KDM4C: variants seen among roughly 807,000 people sequenced by gnomAD.
The protein encoded by KDM4C is lysine-specific demethylase 4C.
Under a neutral mutation model 129.3 loss-of-function variants are expected in KDM4C, and 81 were observed. The observed-to-expected ratio is 0.63, with a 90% CI of 0.52 to 0.75. The LOEUF is 0.75. Among genes scored for constraint, KDM4C ranks in the 30% least tolerant of loss-of-function variants. KDM4C has a pLI of 0.00. For missense variants in KDM4C, 1,457 were observed against 1,304.0 expected (o/e 1.12, Z -1.81); for synonymous variants, 573 against 456.1 (o/e 1.26, Z -3.26).
chr9:6,845,389 AT>A (rs1322755584), intron 4 of KDM4C, among the ~76,000 whole-genome samples: 1 of 151,968 alleles, frequency 6.6e-6, no homozygotes, highest in Non-Finnish European at 1.5e-5. Flanking sequence ...TAATTTTAAA[AT>A]TTTTTGTAGA....
intron 5 of KDM4C, among the ~76,000 whole-genome samples, chr9:6,874,777 G>A (rs1843308380): frequency 6.6e-6 from 1 of 152,058 alleles, no homozygotes; most frequent in South Asian, 2.1e-4. Flanking sequence ...GATGAAGCAT[G>A]GGGAGACCAT....
chr9:7,074,323 A>G (rs1297911129), intron 17 of KDM4C, among the ~76,000 whole-genome samples: 2 of 152,032 alleles, frequency 1.3e-5, no homozygotes, highest in African/African-American at 2.4e-5. Flanking sequence ...GCCAACTTGC[A>G]TGGCTAATTT....
At chr9:7,026,380 T>C (rs1048303965) in intron 15 of KDM4C, among the ~76,000 whole-genome samples, 2 of 152,138 alleles carry the variant, frequency 1.3e-5, no homozygotes, top group African/African-American at 4.8e-5. Flanking sequence ...TTTTTTTCTT[T>C]CAGCACTTTA....
At chr9:6,976,166 A>G (rs1364882725) in intron 8 of KDM4C, among the ~76,000 whole-genome samples, 1 of 152,192 alleles carries the variant, frequency 6.6e-6, no homozygotes, top group East Asian at 1.9e-4. Context: ...GAATAAAATT[A>G]TGTGTCAGGC....
intron 19 of KDM4C, among the ~76,000 whole-genome samples, chr9:7,129,471 CA>C (rs1441516504): frequency 6.6e-6 from 1 of 152,164 alleles, no homozygotes; most frequent in Non-Finnish European, 1.5e-5. Context: ...ACTGCATTGC[CA>C]CTGTTATTCA....
At chr9:6,763,484 C>T (rs191191024) in intron 1 of KDM4C, among the ~76,000 whole-genome samples, 55 of 152,286 alleles carry the variant, frequency 3.6e-4, no homozygotes, top group Non-Finnish European at 6.5e-4. Flanking sequence ...ACTTGTGTAT[C>T]TCTCTTCCCT....
At chr9:7,101,717 G>A (rs534368537) in intron 17 of KDM4C, among the ~76,000 whole-genome samples, 4 of 152,286 alleles carry the variant, frequency 2.6e-5, no homozygotes, top group African/African-American at 9.6e-5. Context: ...TAATGGTGAT[G>A]GAGGTTGGGA....
chr9:7,082,548 G>A (rs1028747028), intron 17 of KDM4C, among the ~76,000 whole-genome samples: 1 of 152,166 alleles, frequency 6.6e-6, no homozygotes, highest in African/African-American at 2.4e-5. Flanking sequence ...AGCTCTGATT[G>A]CTTCCCATCC....
Position 6,758,018 on chromosome 9 carries a change from C to T in KDM4C, c.-203C>T, listed in dbSNP as rs563566244. The T allele has an allele frequency of 4.1e-6, 4 of 985,352 alleles. No homozygotes were observed. The highest frequency in any genetic ancestry group is 6.1e-5 in the Admixed American group (1 of 16,276). The allele number at this position is 985,352 out of a possible 1,614,324, so 61.0% of individuals were successfully genotyped here. On this transcript the variant is annotated 5_prime_UTR_variant, in exon 1 of 22. Coordinates refer to ENST00000381309, the MANE Select transcript of KDM4C (RefSeq NM_015061.6). This position sits in a 1 kb window ranked among gnomAD's most constrained non-coding sequence, Gnocchi z 4.6. ...CTTCGCCGCTGCCTCCCACCCACCC[C>T]CTCGACGGGAGGGTGAGGCGCGGCG... is the stretch of plus-strand genomic sequence containing the variant.
At chr9:6,917,710 G>A (rs1016630787) in intron 8 of KDM4C, among the ~76,000 whole-genome samples, 4 of 152,098 alleles carry the variant, frequency 2.6e-5, no homozygotes, top group Non-Finnish European at 4.4e-5. Flanking sequence ...TTTGCTGATT[G>A]TCTTGCTTCT....
chr9:7,037,653 G>T (rs1193343209), intron 15 of KDM4C, among the ~76,000 whole-genome samples: 1 of 152,032 alleles, frequency 6.6e-6, no homozygotes, highest in Non-Finnish European at 1.5e-5. Context: ...GTGAGCGAAA[G>T]GGACCTCATC....
chr9:7,089,765 T>C (rs1241354796), intron 17 of KDM4C, among the ~76,000 whole-genome samples: 3 of 152,198 alleles, frequency 2.0e-5, no homozygotes, highest in Non-Finnish European at 4.4e-5. Flanking sequence ...TGGAAGCACT[T>C]TAAATTAGAC....
chr9:6,740,032 GGCGC>G (rs1175641882), intron 1 of KDM4C, among the ~76,000 whole-genome samples: 1 of 151,952 alleles, frequency 6.6e-6, no homozygotes, highest in Non-Finnish European at 1.5e-5. Context: ...TGGGACTACA[GGCGC>G]GCGCCACCAC....
rs531632431 is a variant in KDM4C at position 7,095,634 on chromosome 9, T to G, written c.2425-8051T>G. On this transcript the variant is annotated intron_variant, in intron 17 of 21. Coordinates refer to ENST00000381309, the MANE Select transcript of KDM4C (RefSeq NM_015061.6). ...ATTTAACTAATGTGAATTCAATCATTAAAATATTATAGTTTCCAACATTAA... is the reference window on the plus strand; with the variant it reads ...ATTTAACTAATGTGAATTCAATCATGAAAATATTATAGTTTCCAACATTAA... Among the ~76,000 whole-genome samples, 60 of 152,296 alleles carry G rather than the reference T, an allele frequency of 3.9e-4. 1 individual carries two copies. In the South Asian group the frequency reaches 0.011, roughly 28 times the overall value.
intron 9 of KDM4C, chr9:6,982,653 G>T: frequency 6.6e-6 from 1 of 152,200 alleles, no homozygotes; most frequent in Non-Finnish European, 1.5e-5. Flanking sequence ...GCGCTGGAAG[G>T]AGGCAGTATC....
chr9:6,984,225 C>T lies in KDM4C; in HGVS notation c.1175C>T (p.Ser392Leu). The change falls in exon 10 of 22, where the codon TCA becomes TTA. Residue 392 changes from serine to leucine, a missense_variant. Coordinates refer to ENST00000381309, the MANE Select transcript of KDM4C (RefSeq NM_015061.6). ...AAGGCTGATGAGGAAGAGGAAGTGT[C>T]AGATGAAGTCGATGGGGCAGAGGTC... Reference protein sequence around the residue: ...RPKADEEEEVSDEVDGAEVPN... With the variant: ...RPKADEEEEVLDEVDGAEVPN... 1 of 1,613,862 alleles carries T rather than the reference C, an allele frequency of 6.2e-7. No homozygotes were observed. The highest frequency in any genetic ancestry group is 1.3e-5 in the African/African-American group (1 of 75,044).
intron 1 of KDM4C, among the ~76,000 whole-genome samples, chr9:6,759,561 T>G (rs867786388): frequency 1.3e-4 from 20 of 152,322 alleles, no homozygotes; most frequent in African/African-American, 4.8e-4. Context: ...AGTTTTCACA[T>G]AAGCTTTACA....
chr9:6,811,362 C>T lies in KDM4C; in HGVS notation c.321-3269C>T, dbSNP rs149765531. Among the ~76,000 whole-genome samples, 1,011 of 152,210 alleles carry T rather than the reference C, an allele frequency of 6.6e-3. 8 individuals are homozygous for T. Among genetic ancestry groups the T allele is most frequent in the African/African-American group, 0.023 (960 of 41,548 alleles). On this transcript the variant is annotated intron_variant, in intron 3 of 21. Transcript: ENST00000381309. Reference sequence around the variant, plus strand: ...TGGAGATGGGGTTTCAACATGTTGGCCAGGCTGGTCTCTAACTCCTGACCT... The same window carrying T: ...TGGAGATGGGGTTTCAACATGTTGGTCAGGCTGGTCTCTAACTCCTGACCT...
Position 7,019,754 on chromosome 9 carries a change from T to TATATAAAAATATAATATTTTTA in KDM4C, c.2259+3826_2259+3847dup, listed in dbSNP as rs1563993332. 2.0e-4 allele frequency among the ~76,000 whole-genome samples: 23 copies of TATATAAAAATATAATATTTTTA among 114,344 alleles called. 1 individual carries two copies. Among genetic ancestry groups the TATATAAAAATATAATATTTTTA allele is most frequent in the African/African-American group, 8.1e-4 (22 of 27,312 alleles). The allele number at this position is 114,344 out of a possible 152,430, so 75.0% of individuals were successfully genotyped here. On this transcript the variant is annotated intron_variant, in intron 15 of 21. Transcript: ENST00000381309. Reference sequence around the variant, plus strand: ...TATATATAAAAATATAATATTTTTATATATAAAAATATAATATTTTTATAT... The same window carrying TATATAAAAATATAATATTTTTA: ...TATATATAAAAATATAATATTTTTATATATAAAAATATAATATTTTTAATATAAAAATATAATATTTTTATAT...
Sources: allele counts gnomAD v4.1 joint callset (sites outside exome capture counted in the v4.1 genomes callset), GRCh38; gene constraint gnomAD v4.1.1; non-coding constraint Gnocchi (gnomAD v3.1); transcripts MANE v1.5; gene names NCBI Gene and HGNC (gene_info 2026-07-23, HGNC 2026-07-21).